USP39: variants seen among roughly 807,000 people sequenced by gnomAD.
USP39 encodes ubiquitin specific peptidase 39.
A neutral mutation model predicts 66.4 loss-of-function variants in USP39; 38 were observed. The ratio of observed to expected loss-of-function variants is 0.57; its 90% CI spans 0.44 to 0.75. The LOEUF (loss-of-function observed/expected upper bound fraction) is 0.75. Among genes scored for constraint, USP39 ranks in the 30% least tolerant of loss-of-function variants. USP39 has a pLI of 0.00. For missense variants in USP39, 608 were observed against 714.4 expected (o/e 0.85, Z 1.70); for synonymous variants, 303 against 274.6 (o/e 1.10, Z -1.02).
intron 2 of USP39, among the ~76,000 whole-genome samples, chr2:85,620,345 G>T (rs944535778): frequency 6.6e-6 from 1 of 151,868 alleles, no homozygotes. Context: ...CAGGTGTGGT[G>T]GTGCACTCCT....
chr2:85,612,625 C>T (rs1249456808), upstream of USP39, among the ~76,000 whole-genome samples: 1 of 152,120 alleles, frequency 6.6e-6, no homozygotes, highest in Non-Finnish European at 1.5e-5. Context: ...TTTTGAGGGA[C>T]CTACGGGTGT....
chr2:85,619,053 G>C (rs1674236705), intron 1 of USP39, among the ~76,000 whole-genome samples, 167 bp from the exon 2 acceptor site: 1 of 152,168 alleles, frequency 6.6e-6, no homozygotes, highest in East Asian at 1.9e-4. Flanking sequence ...TTATAGGCAT[G>C]AGCTACCGCG....
At chr2:85,638,536 ATTAAT>A (rs1675971396) in intron 8 of USP39, among the ~76,000 whole-genome samples, 1 of 145,958 alleles carries the variant, frequency 6.9e-6, no homozygotes, top group African/African-American at 2.8e-5. Flanking sequence ...TAATTAATTA[ATTAAT>A]TTATTTATTT....
chr2:85,643,738 C>T (rs1413482893), intron 10 of USP39, among the ~76,000 whole-genome samples: 1 of 150,982 alleles, frequency 6.6e-6, no homozygotes, highest in Non-Finnish European at 1.5e-5. Flanking sequence ...ACCTTCGCCT[C>T]CTGGGTTCAA....
chr2:85,639,454 C>CTTT (rs10660019), intron 9 of USP39, 63 bp downstream of exon 9: 2,643 of 1,176,290 alleles, frequency 2.2e-3, no homozygotes, highest in East Asian at 0.019. Context: ...TTTTCATTTT[C>CTTT]TTTTTTTTTT....
chr2:85,633,602 C>T (rs970098228), intron 6 of USP39, among the ~76,000 whole-genome samples: 10 of 151,904 alleles, frequency 6.6e-5, no homozygotes, highest in African/African-American at 2.4e-4. Context: ...CCTATATCTA[C>T]AAAAAATTTT....
Position 85,637,448 on chromosome 2 carries a change from G to A in USP39, c.1095+12G>A, listed in dbSNP as rs1675861023. On this transcript the variant is annotated intron_variant, in intron 8 of 12. Transcript: ENST00000323701. ...CCCATCCTGATCTGGTGAGTTAATT[G>A]AGCCTGGGTCTTGGACTGATTCATA... 13 of 1,613,924 alleles carry A rather than the reference G, an allele frequency of 8.1e-6. No individual in the cohort carries two copies. The highest frequency in any genetic ancestry group is 1.1e-5 in the Non-Finnish European group (13 of 1,179,802).
Position 85,616,380 on chromosome 2 carries a change from C to A in USP39, c.185C>A (p.Ala62Asp). The A allele has an allele frequency of 6.2e-7, 1 of 1,601,916 alleles. No homozygotes were observed. Among genetic ancestry groups the A allele is most frequent in the Non-Finnish European group, 8.5e-7 (1 of 1,174,500 alleles). ...TTCGAGCCGGCGAGCGCGCGCGAGG[C>A]CCCGGCTTCTGTTGTCCCGTTTGTG... ...REFEPASAREAPASVVPFVRV... is the reference protein window; with the variant it reads ...REFEPASAREDPASVVPFVRV... The change falls in exon 1 of 13, where the codon GCC (alanine) becomes GAC (aspartate). Residue 62 changes from alanine (A) to aspartate (D), a missense_variant. Coordinates refer to ENST00000323701, the MANE Select transcript of USP39 (RefSeq NM_006590.4).
rs1675265540 is a variant in USP39, at chr2:85,630,827, T to G, written c.830T>G (p.Phe277Cys). The G allele has an allele frequency of 6.2e-7, 1 of 1,614,110 alleles. No homozygotes were observed. The highest frequency in any genetic ancestry group is 1.3e-5 in the African/African-American group (1 of 74,932). Reference sequence around the variant, plus strand: ...ATCATGTTCTTGTTGGTCCAGCGTTTTGGAGAGCTGATGAGAAAGCTCTGG... The same window carrying G: ...ATCATGTTCTTGTTGGTCCAGCGTTGTGGAGAGCTGATGAGAAAGCTCTGG... ...GDIMFLLVQR[F>C]GELMRKLWNP... is the part of the protein sequence containing the mutation. The change falls in exon 6 of 13, where the codon TTT (phenylalanine) becomes TGT (cysteine). Residue 277 changes from phenylalanine (F) to cysteine (C), a missense_variant. Physicochemically the swap from Phe to Cys is radical, Grantham distance 205. Around this residue, in one of 6 missense-constraint regions of USP39, gnomAD observed 17 missense variants for 38.0 expected, o/e 0.45. Coordinates refer to ENST00000323701, the MANE Select transcript of USP39 (RefSeq NM_006590.4).
At chr2:85,610,437 T>C (rs1673434422), upstream of USP39, 1 of 152,222 alleles carries the variant, frequency 6.6e-6, no homozygotes. Flanking sequence ...CAAAAAGTAC[T>C]GGAAAGCAGA....
chr2:85,639,494 G>A (rs1285603605), intron 9 of USP39, 103 bp downstream of exon 9: 15 of 1,280,680 alleles, frequency 1.2e-5, no homozygotes, highest in Admixed American at 2.6e-5. Flanking sequence ...TGCTCTTGTC[G>A]CCCAGGCTGG....
rs1281100885 is a variant in USP39, at chr2:85,645,410, G to A, written c.1563+327G>A. ...TCTGCCTCAGCCTCCCGAATAGCTGGGATTATGGGATTACAGGCGCCCATC... is the reference window on the plus strand; with the variant it reads ...TCTGCCTCAGCCTCCCGAATAGCTGAGATTATGGGATTACAGGCGCCCATC... On this transcript the variant is annotated intron_variant, in intron 11 of 12. Transcript: ENST00000323701. 2.6e-5 allele frequency: 5 copies of A among 195,012 alleles called. No individual in the cohort carries two copies. The Admixed American group carries it at 2.9e-4, about 11-fold the overall frequency. The allele number at this position is 195,012 out of a possible 1,614,324, so 12.1% of individuals were successfully genotyped here. A position where few individuals can be genotyped will look rare whatever the true frequency, so the allele number is the denominator to read the frequency against.
At chr2:85,616,076 T>G (rs1299009608), upstream of USP39, 19 of 1,303,838 alleles carry the variant, frequency 1.5e-5, no homozygotes, top group Non-Finnish European at 1.8e-5. Flanking sequence ...GCGTGATTTG[T>G]CCCCAGTGGC....
intron 4 of USP39, among the ~76,000 whole-genome samples, 194 bp from the exon 5 acceptor site, chr2:85,625,345 C>T (rs1573408524): frequency 6.6e-6 from 1 of 152,106 alleles, no homozygotes; most frequent in East Asian, 1.9e-4. Context: ...CACAGAGATC[C>T]CCTTGTAGAT....
intron 6 of USP39, among the ~76,000 whole-genome samples, chr2:85,632,555 C>G (rs1048893994): frequency 2.0e-5 from 3 of 147,960 alleles, no homozygotes; most frequent in African/African-American, 7.5e-5. Context: ...TCAGGTGATT[C>G]TTCTGACTCA....
At chr2:85,608,857 C>A, upstream of USP39, 1 of 1,559,716 alleles carries the variant, frequency 6.4e-7, no homozygotes. Flanking sequence ...ATCAGACAAA[C>A]TGGTCCTGGT....
At chr2:85,609,545 C>T (rs61743294), upstream of USP39, 2,798 of 1,614,162 alleles carry the variant, frequency 1.7e-3, 51 homozygotes, top group African/African-American at 0.032. Flanking sequence ...CTGCTTTCAC[C>T]GGACTCTTCA....
intron 5 of USP39, among the ~76,000 whole-genome samples, chr2:85,628,529 G>A (rs758141681): frequency 3.9e-5 from 6 of 152,216 alleles, no homozygotes; most frequent in African/African-American, 9.6e-5. Flanking sequence ...ATTTTAGATC[G>A]CATAGGAAGT....
intron 5 of USP39, among the ~76,000 whole-genome samples, chr2:85,628,912 T>G (rs1213729973): frequency 2.6e-5 from 4 of 152,174 alleles, no homozygotes; most frequent in Non-Finnish European, 4.4e-5. Flanking sequence ...GTTATTACAT[T>G]TAGCAGAAAC....
Sources: gnomAD v4.1 joint callset for allele counts (sites outside exome capture counted in the v4.1 genomes callset) on GRCh38, gnomAD v4.1.1 for gene constraint, gnomAD v4.1.1 regional missense constraint, MANE v1.5 for transcripts, NCBI Gene and HGNC (gene_info 2026-07-23, HGNC 2026-07-21) for gene names.